Variants in KALRN observed in about 807,000 individuals in gnomAD.
The protein encoded by KALRN is kalirin.
In KALRN, 70 loss-of-function variants were observed where a neutral mutation model predicts 353.7. That is an observed-to-expected ratio of 0.20 (90% confidence interval 0.16 to 0.24). KALRN has a LOEUF of 0.24. Among genes scored for constraint, KALRN ranks in the 10% least tolerant of loss-of-function variants. The pLI is 1.00. For missense variants in KALRN, 2,791 were observed against 3,756.7 expected, an observed-to-expected ratio of 0.74 and a Z score of 6.72; for synonymous variants, 1,391 against 1,434.8, an observed-to-expected ratio of 0.97 and a Z score of 0.69.
chr3:124,560,874 C>A (rs1467945468), intron 33 of KALRN, among the ~76,000 whole-genome samples: 1 of 152,144 alleles, frequency 6.6e-6, no homozygotes, highest in Non-Finnish European at 1.5e-5. Flanking sequence ...GAGACCCTGT[C>A]TGGGGGCAGT....
intron 8 of KALRN, among the ~76,000 whole-genome samples, chr3:124,333,723 A>G (rs1417155434): frequency 6.6e-6 from 1 of 152,168 alleles, no homozygotes; most frequent in Non-Finnish European, 1.5e-5. Context: ...CCCCGTCTCT[A>G]CTAAAAATAC....
chr3:124,178,925 C>T (rs1376743385), intron 1 of KALRN, among the ~76,000 whole-genome samples: 1 of 152,034 alleles, frequency 6.6e-6, no homozygotes, highest in African/African-American at 2.4e-5. Flanking sequence ...GGCAACATAA[C>T]GACCCAGTCT....
At chr3:124,120,134 G>A (rs944491257) in intron 1 of KALRN, among the ~76,000 whole-genome samples, 7 of 152,214 alleles carry the variant, frequency 4.6e-5, no homozygotes, top group African/African-American at 1.7e-4. Context: ...ACAAAAGACA[G>A]CAGTGTGGGT....
At chr3:124,715,496 C>T (rs372487160) in intron 58 of KALRN, among the ~76,000 whole-genome samples, 17 of 152,354 alleles carry the variant, frequency 1.1e-4, no homozygotes, top group African/African-American at 4.1e-4. Context: ...CCCTTAATGA[C>T]TCCAAGAAGT....
At chr3:124,643,836 A>G (rs969075389) in intron 37 of KALRN, among the ~76,000 whole-genome samples, 2 of 152,228 alleles carry the variant, frequency 1.3e-5, no homozygotes, top group Admixed American at 6.5e-5. Context: ...TGAGATACCC[A>G]TAGATAGTAG....
chr3:124,650,826 T>C lies in KALRN; in HGVS notation c.5683T>C (p.Tyr1895His), dbSNP rs2083330558. The C allele has an allele frequency of 6.2e-7, 1 of 1,613,718 alleles. No homozygotes were observed. The highest frequency in any genetic ancestry group is 8.5e-7 in the Non-Finnish European group (1 of 1,179,638). ...KNKLSLEGSS[Y>H]RGSLKDPAGC... ...TTTTCAGAGTCTAGAAGGAAGCTCA[T>C]ACCGGGGGAGCTTGAAAGACCCTGC... Residue 1895 changes from tyrosine (Y) to histidine (H), a missense_variant, in exon 38 of 60, where the codon TAC becomes CAC. Tyr to His is a moderately conservative substitution (Grantham distance 83). Coordinates refer to ENST00000682506, the MANE Select transcript of KALRN (RefSeq NM_001388419.1).
At chr3:124,218,377 C>T (rs1412920671) in intron 1 of KALRN, among the ~76,000 whole-genome samples, 1 of 152,218 alleles carries the variant, frequency 6.6e-6, no homozygotes, top group African/African-American at 2.4e-5. Flanking sequence ...GCACAGCACA[C>T]ACCTTCTGCC....
intron 19 of KALRN, among the ~76,000 whole-genome samples, chr3:124,443,231 C>T (rs1011440940): frequency 1.3e-5 from 2 of 152,160 alleles, no homozygotes; most frequent in African/African-American, 2.4e-5. Context: ...TCTGACCATG[C>T]AGAAATTAGC....
intron 1 of KALRN, chr3:124,152,308 G>A (rs751799096): frequency 2.8e-4 from 341 of 1,214,238 alleles, no homozygotes; most frequent in Non-Finnish European, 3.7e-4. Context: ...CATATTAATT[G>A]AAGTCTTGTT....
At position 124,334,367 on chromosome 3, in the gene KALRN, C is replaced by A; in HGVS notation, c.1519C>A (p.His507Asn). The change falls in exon 9 of 60, where the codon CAC (histidine) becomes AAC (asparagine). Residue 507 changes from histidine to asparagine, a missense_variant. Physicochemically the swap from His to Asn is moderately conservative, Grantham distance 68 (BLOSUM62 1). Coordinates refer to ENST00000682506, the MANE Select transcript of KALRN (RefSeq NM_001388419.1). The surrounding 1 kb of genome is among the most constrained non-coding windows in gnomAD (Gnocchi z 4.2). Reference protein sequence around the residue: ...TATANYSKAVHQVLDVVHEVL... With the variant: ...TATANYSKAVNQVLDVVHEVL... ...CACAGCCAACTACTCCAAGGCAGTG[C>A]ACCAGGTGCTGGACGTGGTGCATGA... is the stretch of plus-strand genomic sequence containing the variant. The A allele has an allele frequency of 6.2e-7, 1 of 1,614,252 alleles. No homozygotes were observed. Among genetic ancestry groups the A allele is most frequent in the Middle Eastern group, 1.6e-4 (1 of 6,062 alleles).
At chr3:124,251,440 G>C (rs1272323284) in intron 3 of KALRN, among the ~76,000 whole-genome samples, 1 of 146,264 alleles carries the variant, frequency 6.8e-6, no homozygotes, top group Non-Finnish European at 1.5e-5. Flanking sequence ...GTGCAATTTG[G>C]CTTACTGCCA....
At chr3:124,667,516 C>T (rs760388061) in intron 47 of KALRN, among the ~76,000 whole-genome samples, 3 of 152,246 alleles carry the variant, frequency 2.0e-5, no homozygotes, top group African/African-American at 2.4e-5. Flanking sequence ...GAACCAGGAC[C>T]GGCTAGAAAT....
chr3:124,531,772 C>G lies in KALRN; in HGVS notation c.4936-31071C>G, dbSNP rs2068062694. Among the ~76,000 whole-genome samples, 3 of 152,156 alleles carry G rather than the reference C, an allele frequency of 2.0e-5. No homozygotes were observed. In the South Asian group the frequency reaches 6.2e-4, roughly 32 times the overall value. On this transcript the variant is annotated intron_variant, in intron 33 of 59. Transcript: ENST00000682506. ...CCTCCCTGATCCAGTCACTTCCCAC[C>G]AGGACCTGCCTCCAACATTGGGGAT...
chr3:124,413,458 G>T lies in KALRN; in HGVS notation c.2347-12G>T. The T allele has an allele frequency of 6.2e-7, 1 of 1,611,944 alleles. No individual in the cohort carries two copies. The highest frequency in any genetic ancestry group is 8.5e-7 in the Non-Finnish European group (1 of 1,178,548). Reference sequence around the variant, plus strand: ...TGGTGAGCCTGTGCTGATGACAGTGGTTCCCTCACAGGTGACAGCAGAGCT... The same window carrying T: ...TGGTGAGCCTGTGCTGATGACAGTGTTTCCCTCACAGGTGACAGCAGAGCT... On this transcript the variant is annotated splice_polypyrimidine_tract_variant and intron_variant, in intron 13 of 59. Transcript: ENST00000682506.
chr3:124,490,857 G>A lies in KALRN; in HGVS notation c.4560G>A (p.Thr1520=), dbSNP rs375540748. 42 of 1,613,186 alleles carry A rather than the reference G, an allele frequency of 2.6e-5. No homozygotes were observed. In the South Asian group the frequency reaches 3.2e-4, roughly 12 times the overall value. ...AGATCAAAGATTCTTCAGGACACAC[G>A]AAATATGTTTACAAGAACAAGCTAC... is the stretch of plus-strand genomic sequence containing the variant. ...SKEIKDSSGH[T]KYVYKNKLLT... is the part of the protein sequence containing the mutation. The change falls in exon 30 of 60, where the codon ACG becomes ACA. Residue 1520 remains threonine (T), a synonymous_variant. Transcript: ENST00000682506.
chr3:124,110,953 T>A (rs2062906808), intron 1 of KALRN, among the ~76,000 whole-genome samples: 1 of 152,218 alleles, frequency 6.6e-6, no homozygotes, highest in Non-Finnish European at 1.5e-5. Flanking sequence ...TAAATACTAT[T>A]GTTTCTTGCA....
intron 33 of KALRN, among the ~76,000 whole-genome samples, chr3:124,544,427 G>C (rs1467977906): frequency 1.3e-5 from 2 of 152,144 alleles, no homozygotes; most frequent in South Asian, 4.1e-4. Flanking sequence ...CAGGCGTGGT[G>C]GTGGGTGCCT....
chr3:124,667,272 T>C, intron 47 of KALRN, 89 bp downstream of exon 47: 2 of 1,180,430 alleles, frequency 1.7e-6, no homozygotes, highest in Non-Finnish European at 2.3e-6. Flanking sequence ...TGTTGAGTTA[T>C]GAACCCAGAT....
At chr3:124,046,480 C>T (rs2040485080) in intron 1 of KALRN, among the ~76,000 whole-genome samples, 1 of 152,122 alleles carries the variant, frequency 6.6e-6, no homozygotes, top group African/African-American at 2.4e-5. Flanking sequence ...ATGCTGTGAG[C>T]CTGGGAAGAG....
Sources: allele counts gnomAD v4.1 joint callset (sites outside exome capture counted in the v4.1 genomes callset), GRCh38; gene constraint gnomAD v4.1.1; non-coding constraint Gnocchi (gnomAD v3.1); transcripts MANE v1.5; gene names NCBI Gene and HGNC (gene_info 2026-07-23, HGNC 2026-07-21).